Variants in MANBA observed in about 807,000 individuals in gnomAD.
The protein encoded by MANBA is mannosidase beta, also known as beta-mannosidase.
MANBA carries 83 observed loss-of-function variants against 111.1 expected under a neutral mutation model. The observed-to-expected ratio is 0.75, with a 90% confidence interval of 0.63 to 0.90. The LOEUF (loss-of-function observed/expected upper bound fraction) is 0.90, where lower values mean the gene tolerates loss of function less well. Ranked by LOEUF, MANBA falls within the 40% of genes least tolerant of loss-of-function variation. The pLI is 0.00. For synonymous variants in MANBA, 370 were observed against 378.7 expected (o/e 0.98, Z 0.27); for missense variants, 1,036 against 1,069.0 (o/e 0.97, Z 0.43).
At chr4:102,700,288 G>A (rs201498212) in intron 5 of MANBA, among the ~76,000 whole-genome samples, 2,756 of 111,738 alleles carry the variant, frequency 0.025, no homozygotes, top group Middle Eastern at 0.031. Context: ...TATCAATTTT[G>A]TTGATCCTTT....
intron 1 of MANBA, chr4:102,727,860 A>T (rs550384749): frequency 2.6e-5 from 15 of 581,404 alleles, no homozygotes; most frequent in South Asian, 2.4e-4. Flanking sequence ...TCTCCTAAAG[A>T]TGAAAAAGCC....
intron 1 of MANBA, chr4:102,729,571 T>C: frequency 1.1e-6 from 1 of 875,496 alleles, no homozygotes; most frequent in Non-Finnish European, 2.0e-6. Context: ...GTAACCTTCA[T>C]CCACATCCTC....
At chr4:102,755,491 A>C (rs1336331970) in intron 1 of MANBA, among the ~76,000 whole-genome samples, 4 of 152,298 alleles carry the variant, frequency 2.6e-5, no homozygotes, top group Middle Eastern at 3.4e-3. Flanking sequence ...TAAAGACTTA[A>C]ATGTTAGACC....
intron 8 of MANBA, 91 bp from the exon 9 acceptor site, chr4:102,671,489 C>A (rs1731496603): frequency 1.3e-6 from 1 of 772,362 alleles, no homozygotes; most frequent in Admixed American, 2.1e-5. Flanking sequence ...TAGAAAAACA[C>A]ACTCTAAAAT....
At chr4:102,756,187 C>G (rs948940793) in intron 1 of MANBA, among the ~76,000 whole-genome samples, 7 of 152,298 alleles carry the variant, frequency 4.6e-5, no homozygotes, top group Non-Finnish European at 1.0e-4. Flanking sequence ...ATGTTTACTG[C>G]AGCACTATTC....
chr4:102,747,158 G>GATATATATATATATATATAT (rs144093849), intron 1 of MANBA, among the ~76,000 whole-genome samples: 8 of 145,474 alleles, frequency 5.5e-5, no homozygotes, highest in African/African-American at 1.9e-4. Flanking sequence ...GAACTAATGG[G>GATATATATATATATATATAT]ATATATATAT....
chr4:102,743,244 C>T (rs527777869), intron 1 of MANBA, among the ~76,000 whole-genome samples: 3 of 152,364 alleles, frequency 2.0e-5, no homozygotes, highest in African/African-American at 7.2e-5. Context: ...AATCATGCTT[C>T]TTCCAAGTCA....
At chr4:102,668,783 C>A in intron 10 of MANBA, 180 bp downstream of exon 10, 1 of 604,092 alleles carries the variant, frequency 1.7e-6, no homozygotes, top group Non-Finnish European at 3.0e-6. Flanking sequence ...AGTCATCAGC[C>A]AATAGATGAT....
intron 1 of MANBA, among the ~76,000 whole-genome samples, chr4:102,745,317 C>T (rs1723547625): frequency 6.6e-6 from 1 of 152,162 alleles, no homozygotes; most frequent in Admixed American, 6.5e-5. Flanking sequence ...CAAGGGGACC[C>T]AGCCTCCCCT....
chr4:102,646,275 C>CT (rs1268501294), intron 13 of MANBA, among the ~76,000 whole-genome samples: 1 of 152,100 alleles, frequency 6.6e-6, no homozygotes, highest in Non-Finnish European at 1.5e-5. Flanking sequence ...CATTCCCCTC[C>CT]TTTGCCCACC....
rs116009544 is a variant in MANBA, at chr4:102,730,754, A to G, written c.178-4071T>C. The G allele has an allele frequency of 6.4e-3, 3,173 of 496,978 alleles. 68 individuals carry two copies. Among genetic ancestry groups the G allele is most frequent in the African/African-American group, 0.05 (2,543 of 50,698 alleles). 30.8% of individuals were successfully genotyped at this position (496,978 alleles called of 1,614,324 possible). A position where few individuals can be genotyped will look rare whatever the true frequency, so the allele number is the denominator to read the frequency against. On this transcript the variant is annotated intron_variant, in intron 1 of 16. Transcript: ENST00000647097. ...TTCTTCAACTGTCAGGTAAGACACAATAAGTCTTTCTGAGTTTCTCTTATA... is the reference window on the plus strand; with the variant it reads ...TTCTTCAACTGTCAGGTAAGACACAGTAAGTCTTTCTGAGTTTCTCTTATA...
rs763576456 is a variant in MANBA at position 102,650,598 on chromosome 4, A to G, written c.1808T>C (p.Phe603Ser). 5.0e-6 allele frequency: 8 copies of G among 1,613,530 alleles called. No homozygotes were observed. The South Asian group carries it at 5.5e-5, about 11-fold the overall frequency. ...KQMLYQAGLHFKLPQSTDPLR... is the reference protein window; with the variant it reads ...KQMLYQAGLHSKLPQSTDPLR... ...TGGATCTGTGCTTTGGGGGAGTTTG[A>G]AATGAAGTCCAGCCTGATAAAGCAT... Residue 603 changes from phenylalanine (F) to serine (S), a missense_variant, in exon 13 of 17, where the codon TTC becomes TCC. Transcript: ENST00000647097.
At chr4:102,723,756 C>T in intron 3 of MANBA, 106 bp downstream of exon 3, 2 of 683,044 alleles carry the variant, frequency 2.9e-6, no homozygotes, top group Admixed American at 5.1e-5. Context: ...TTAATGAGCT[C>T]ATATTTGTCA....
chr4:102,673,894 C>T (rs1023762287), intron 8 of MANBA, 25 bp downstream of exon 8: 10 of 1,594,232 alleles, frequency 6.3e-6, no homozygotes, highest in African/African-American at 2.7e-5. Context: ...AAAAGAAGAA[C>T]AAGAAAAGAA....
intron 3 of MANBA, among the ~76,000 whole-genome samples, chr4:102,723,505 A>G (rs1490898534): frequency 2.6e-5 from 4 of 152,248 alleles, no homozygotes; most frequent in African/African-American, 9.6e-5. Flanking sequence ...ATCAGCATAT[A>G]ATCTCTTAAT....
At chr4:102,635,155 A>G in intron 15 of MANBA, 110 bp from the exon 16 acceptor site, 1 of 1,261,778 alleles carries the variant, frequency 7.9e-7, no homozygotes, top group African/African-American at 1.5e-5. Context: ...TGGTTAAGAG[A>G]CTATGAAACC....
At chr4:102,723,837 T>C (rs1294142255) in intron 3 of MANBA, 25 bp downstream of exon 3, 2 of 1,354,264 alleles carry the variant, frequency 1.5e-6, no homozygotes, top group Admixed American at 3.6e-5. Flanking sequence ...AAATTTTTTT[T>C]AACCTAATGT....
intron 16 of MANBA, chr4:102,633,615 T>G (rs1451152022): frequency 7.6e-5 from 30 of 394,728 alleles, no homozygotes. Context: ...GAAGGACAAG[T>G]CTCACTGAAA....
At chr4:102,717,593 C>T (rs1303578192) in intron 4 of MANBA, among the ~76,000 whole-genome samples, 2 of 151,946 alleles carry the variant, frequency 1.3e-5, no homozygotes, top group Admixed American at 6.6e-5. Context: ...GGGGTTTTGT[C>T]ATGTTGTCCA....
Sources: gnomAD v4.1 joint callset for allele counts (sites outside exome capture counted in the v4.1 genomes callset) on GRCh38, gnomAD v4.1.1 for gene constraint, MANE v1.5 for transcripts, NCBI Gene and HGNC (gene_info 2026-07-23, HGNC 2026-07-21) for gene names.